The following IL20RA variants were observed in gnomAD, a reference collection of about 807,000 sequenced individuals.
IL20RA encodes interleukin-20 receptor subunit alpha.
IL20RA carries 29 observed loss-of-function variants against 36.5 expected under a neutral mutation model. That is an observed-to-expected ratio of 0.79 (90% CI 0.59 to 1.08). The LOEUF (loss-of-function observed/expected upper bound fraction) is 1.08, where lower values mean the gene tolerates loss of function less well. Among genes scored for constraint, IL20RA ranks in the 50% least tolerant of loss-of-function variants. The pLI is 0.00. For missense variants in IL20RA, 652 were observed against 668.4 expected, an observed-to-expected ratio of 0.98 and a Z score of 0.27; for synonymous variants, 279 against 267.1, an observed-to-expected ratio of 1.04 and a Z score of -0.43.
intron 1 of IL20RA, among the ~76,000 whole-genome samples, chr6:137,018,551 A>T (rs922074713): frequency 2.8e-4 from 26 of 93,202 alleles, no homozygotes; most frequent in African/African-American, 6.6e-4. Context: ...TGTGTGTGTT[A>T]GGGGTAGGGG....
intron 5 of IL20RA, among the ~76,000 whole-genome samples, chr6:137,005,115 T>C (rs550446050): frequency 6.6e-5 from 10 of 152,210 alleles, no homozygotes; most frequent in African/African-American, 2.2e-4. Context: ...GATATTCAAG[T>C]AAGTCACAGA....
At chr6:137,013,056 C>T (rs1003243346) in intron 2 of IL20RA, among the ~76,000 whole-genome samples, 2 of 152,060 alleles carry the variant, frequency 1.3e-5, no homozygotes, top group African/African-American at 4.8e-5. Flanking sequence ...AACTATCTAA[C>T]ATATTAAAAC....
At chr6:137,006,553 C>T (rs907364484) in intron 5 of IL20RA, among the ~76,000 whole-genome samples, 2 of 151,938 alleles carry the variant, frequency 1.3e-5, no homozygotes, top group African/African-American at 2.4e-5. Context: ...GGATGGGGGA[C>T]GAGAGAGCAG....
At chr6:137,012,142 G>C (rs1368341425) in intron 2 of IL20RA, among the ~76,000 whole-genome samples, 1 of 152,158 alleles carries the variant, frequency 6.6e-6, no homozygotes, top group Non-Finnish European at 1.5e-5. Context: ...GAAAGGGACA[G>C]GGGAGGCAGT....
At chr6:137,044,167 G>T in intron 1 of IL20RA, 1 of 986,082 alleles carries the variant, frequency 1.0e-6, no homozygotes, top group Non-Finnish European at 1.2e-6. Flanking sequence ...TTAAAGCGCG[G>T]ATCTCGCGAC....
chr6:137,044,547 G>A (rs1776828279), intron 1 of IL20RA, 94 bp downstream of exon 1: 2 of 1,160,032 alleles, frequency 1.7e-6, no homozygotes, highest in Non-Finnish European at 2.2e-6. Context: ...CCTGGCCGGC[G>A]GGCAGGAGGG....
In IL20RA at chr6:137,001,728, C is replaced by A. The variant is rs371682783; in HGVS notation, c.1492G>T (p.Asp498Tyr). 6.2e-6 allele frequency: 10 copies of A among 1,613,492 alleles called. No individual in the cohort carries two copies. Among genetic ancestry groups the A allele is most frequent in the Non-Finnish European group, 8.5e-6 (10 of 1,179,740 alleles). The change falls in exon 7 of 7, where the codon GAC (aspartate) becomes TAC (tyrosine). Residue 498 changes from aspartate to tyrosine, a missense_variant. By Grantham distance (160) the Asp-to-Tyr change is radical (BLOSUM62 -3). Coordinates refer to ENST00000316649, the MANE Select transcript of IL20RA (RefSeq NM_014432.4). The part of the protein sequence containing the change: ...RLCIPSLSSF[D>Y]QDSEGCEPSE... ...GGCTCGCAGCCCTCTGAATCCTGGT[C>A]GAAGCTGGACAGCGAAGGAATACAC...
chr6:137,001,277 T>A lies in IL20RA; in HGVS notation c.*281A>T, dbSNP rs1775022839. On this transcript the variant is annotated 3_prime_UTR_variant, in exon 7 of 7. Transcript: ENST00000316649. The stretch of plus-strand genomic sequence containing the variant: ...AGAGGCCAGAGTACACCCACCTGAA[T>A]AAATTCTGCACCCAGTCTGGCAAAC... 1 of 291,970 alleles carries A rather than the reference T, an allele frequency of 3.4e-6. No individual in the cohort carries two copies. The highest frequency in any genetic ancestry group is 6.3e-6 in the Non-Finnish European group (1 of 157,784). The allele number at this position is 291,970 out of a possible 1,614,324, so 18.1% of individuals were successfully genotyped here. A position where few individuals can be genotyped will look rare whatever the true frequency, so the allele number is the denominator to read the frequency against.
intron 1 of IL20RA, among the ~76,000 whole-genome samples, chr6:137,036,492 T>C (rs963297678): frequency 3.3e-5 from 5 of 152,148 alleles, no homozygotes; most frequent in Non-Finnish European, 5.9e-5. Context: ...AAGGGAAATC[T>C]GAACACAGAC....
At chr6:137,005,485 C>T (rs1233544856) in intron 5 of IL20RA, among the ~76,000 whole-genome samples, 1 of 152,108 alleles carries the variant, frequency 6.6e-6, no homozygotes, top group African/African-American at 2.4e-5. Flanking sequence ...ATTAATCAGG[C>T]CATATAGCTG....
intron 6 of IL20RA, among the ~76,000 whole-genome samples, chr6:137,004,174 T>TTTTTTTTTTTTTTTTTTTTTG (rs1562228088): frequency 2.4e-5 from 3 of 124,446 alleles, no homozygotes; most frequent in African/African-American, 3.1e-5. Flanking sequence ...TTTTTTTTTT[T>TTTTTTTTTTTTTTTTTTTTTG]TTTTTTTTTT....
At chr6:137,004,900 A>G (rs552852092) in intron 5 of IL20RA, 140 bp from the exon 6 acceptor site, 1 of 740,378 alleles carries the variant, frequency 1.4e-6, no homozygotes, top group South Asian at 1.8e-5. Flanking sequence ...TCTCACCTCT[A>G]CGTTGAGAAG....
chr6:137,007,330 A>C (rs1267738133), intron 5 of IL20RA, among the ~76,000 whole-genome samples: 1 of 152,264 alleles, frequency 6.6e-6, no homozygotes, highest in Non-Finnish European at 1.5e-5. Context: ...TGCGCTTTTC[A>C]CAGGTACTCA....
rs189313836 is a variant in IL20RA, at chr6:137,008,367, C to T, written c.724+232G>A. Among the ~76,000 whole-genome samples the T allele has an allele frequency of 4.5e-3, 693 of 152,338 alleles. 6 individuals are homozygous for T. The highest frequency in any genetic ancestry group is 0.016 in the African/African-American group (667 of 41,580). Reference sequence around the variant, plus strand: ...ACCATGGAAAGAAGCTGGCAGTGGACACGGGACCTGTATGAGTTCTCCGAG... The same window carrying T: ...ACCATGGAAAGAAGCTGGCAGTGGATACGGGACCTGTATGAGTTCTCCGAG... On this transcript the variant is annotated intron_variant, in intron 5 of 6. Transcript: ENST00000316649.
rs557855394 is a variant in IL20RA, at chr6:137,000,493, TGAACTA to T, written c.*1059_*1064del. On this transcript the variant is annotated 3_prime_UTR_variant, in exon 7 of 7. Transcript: ENST00000316649. ...AGGAGATGGGAACAGTTACTGGAAATGAACTAGAAAGCTATTGTTTTATGGCATAGT... is the reference window on the plus strand; with the variant it reads ...AGGAGATGGGAACAGTTACTGGAAATGAAAGCTATTGTTTTATGGCATAGT... 1.3e-3 allele frequency: 191 copies of T among 152,330 alleles called. No homozygotes were observed. Among genetic ancestry groups the T allele is most frequent in the African/African-American group, 4.3e-3 (179 of 41,580 alleles). 9.4% of individuals were successfully genotyped at this position (152,330 alleles called of 1,614,324 possible).
At chr6:137,012,853 G>A (rs944763226) in intron 2 of IL20RA, among the ~76,000 whole-genome samples, 2 of 152,134 alleles carry the variant, frequency 1.3e-5, no homozygotes, top group African/African-American at 4.8e-5. Context: ...ACAGATTTCT[G>A]AAAGTAAATG....
chr6:137,004,994 C>A (rs1285769320), intron 5 of IL20RA, among the ~76,000 whole-genome samples: 1 of 152,198 alleles, frequency 6.6e-6, no homozygotes, highest in African/African-American at 2.4e-5. Flanking sequence ...GAGTGTACCT[C>A]AAATGTTTAC....
In IL20RA at chr6:137,002,016, C is replaced by T. The variant is rs765976591; in HGVS notation, c.1204G>A (p.Glu402Lys). The change falls in exon 7 of 7, where the codon GAA (glutamate) becomes AAA (lysine). Residue 402 changes from glutamate to lysine, a missense_variant. Coordinates refer to ENST00000316649, the MANE Select transcript of IL20RA (RefSeq NM_014432.4). ...ATGTCAGTGGTTCTGACATCATATT[C>T]ATATTCAATGACTGTTTTATCCGGG... ...IPPDKTVIEY[E>K]YDVRTTDICA... The T allele has an allele frequency of 1.9e-6, 3 of 1,614,078 alleles. No individual in the cohort carries two copies. In the South Asian group the frequency reaches 3.3e-5, roughly 18 times the overall value.
Position 137,015,485 on chromosome 6 carries a change from A to G in IL20RA, c.224+1483T>C, listed in dbSNP as rs555141304. Among the ~76,000 whole-genome samples, 4 of 152,326 alleles carry G rather than the reference A, an allele frequency of 2.6e-5. No homozygotes were observed. In the East Asian group the frequency reaches 5.8e-4, roughly 22 times the overall value. On this transcript the variant is annotated intron_variant, in intron 2 of 6. Transcript: ENST00000316649. ...TTACTTCCATAGCAAAGCTTTCTGGAAACTTGTATTCTGTTTTCTTCTTTC... is the reference window on the plus strand; with the variant it reads ...TTACTTCCATAGCAAAGCTTTCTGGGAACTTGTATTCTGTTTTCTTCTTTC...
Sources: allele counts gnomAD v4.1 joint callset (sites outside exome capture counted in the v4.1 genomes callset), GRCh38; gene constraint gnomAD v4.1.1; transcripts MANE v1.5; gene names NCBI Gene and HGNC (gene_info 2026-07-23, HGNC 2026-07-21).